CACNA2D1: variants seen among roughly 807,000 people sequenced by gnomAD.
CACNA2D1 encodes voltage-dependent calcium channel subunit alpha-2/delta-1.
In CACNA2D1, 53 loss-of-function variants were observed where a neutral mutation model predicts 171.5. The ratio of observed to expected loss-of-function variants is 0.31; its 90% CI spans 0.25 to 0.39. The LOEUF (loss-of-function observed/expected upper bound fraction) is 0.39. Ranked by LOEUF, CACNA2D1 falls within the 10% of genes least tolerant of loss-of-function variation. The pLI, the probability that CACNA2D1 is intolerant of heterozygous loss-of-function variation, is 1.00. For synonymous variants in CACNA2D1, 442 were observed against 443.1 expected (o/e 1.00, Z 0.03); for missense variants, 903 against 1,299.8 (o/e 0.69, Z 4.69).
At chr7:82,383,280 G>T (rs1217059484) in intron 1 of CACNA2D1, among the ~76,000 whole-genome samples, 2 of 152,130 alleles carry the variant, frequency 1.3e-5, no homozygotes, top group African/African-American at 4.8e-5. Flanking sequence ...TGGCCCTGAG[G>T]CTCAACTTTT....
At chr7:82,076,547 T>C (rs1472608666) in intron 7 of CACNA2D1, among the ~76,000 whole-genome samples, 3 of 152,180 alleles carry the variant, frequency 2.0e-5, no homozygotes, top group Admixed American at 2.0e-4. Context: ...TCTGATATCA[T>C]CATTTCTATT....
intron 5 of CACNA2D1, among the ~76,000 whole-genome samples, chr7:82,117,755 T>G (rs970962887): frequency 3.3e-5 from 5 of 152,154 alleles, no homozygotes; most frequent in South Asian, 2.1e-4. Flanking sequence ...CACTCTAGCC[T>G]GGGCAACAAA....
At chr7:82,136,528 C>A in intron 5 of CACNA2D1, 107 bp downstream of exon 5, 2 of 799,788 alleles carry the variant, frequency 2.5e-6, no homozygotes, top group East Asian at 5.4e-5. Flanking sequence ...CTCATGCAGT[C>A]TAACATTGTC....
chr7:82,098,642 T>C (rs1291571638), intron 6 of CACNA2D1, among the ~76,000 whole-genome samples: 2 of 152,156 alleles, frequency 1.3e-5, no homozygotes, highest in Admixed American at 1.3e-4. Context: ...GATGATTACA[T>C]GGTCTTATAA....
chr7:82,387,113 A>C (rs1824496348), intron 1 of CACNA2D1, among the ~76,000 whole-genome samples: 1 of 152,134 alleles, frequency 6.6e-6, no homozygotes, highest in Non-Finnish European at 1.5e-5. Flanking sequence ...GGTCATTTCA[A>C]ATGGTCATAT....
chr7:82,420,227 A>G (rs1034705492), intron 1 of CACNA2D1, among the ~76,000 whole-genome samples: 1 of 152,204 alleles, frequency 6.6e-6, no homozygotes, highest in Non-Finnish European at 1.5e-5. Flanking sequence ...AAAATTATGA[A>G]TTGTCACCAA....
chr7:82,394,096 T>C (rs1241714730), intron 1 of CACNA2D1, among the ~76,000 whole-genome samples: 2 of 152,006 alleles, frequency 1.3e-5, no homozygotes, highest in Non-Finnish European at 2.9e-5. Context: ...TAGAGGCAAG[T>C]AAAAGGTAGA....
In CACNA2D1 at chr7:81,984,818, G is replaced by T. The variant is rs965457861; in HGVS notation, c.1797-107C>A. The T allele has an allele frequency of 1.4e-4, 96 of 704,712 alleles. 1 individual carries two copies. The highest frequency in any genetic ancestry group is 1.2e-4 in the Non-Finnish European group (45 of 387,796). 43.7% of individuals were successfully genotyped at this position (704,712 alleles called of 1,614,324 possible). On this transcript the variant is annotated intron_variant, in intron 21 of 38. Coordinates refer to ENST00000356860, the MANE Select transcript of CACNA2D1 (RefSeq NM_000722.4). Reference sequence around the variant, plus strand: ...GGAAAATCGAAAGATCTTCCTCATGGGAAGGAAAAGACATATTACTTTGAC... The same window carrying T: ...GGAAAATCGAAAGATCTTCCTCATGTGAAGGAAAAGACATATTACTTTGAC...
At chr7:82,388,488 G>T (rs2129450274) in intron 1 of CACNA2D1, among the ~76,000 whole-genome samples, 1 of 152,328 alleles carries the variant, frequency 6.6e-6, no homozygotes, top group Non-Finnish European at 1.5e-5. Flanking sequence ...GATCCAGGAA[G>T]GTCATAGTAT....
At chr7:82,341,280 A>AT (rs563655388) in intron 2 of CACNA2D1, among the ~76,000 whole-genome samples, 119 of 152,216 alleles carry the variant, frequency 7.8e-4, no homozygotes, top group African/African-American at 2.7e-3. Flanking sequence ...TTTCTTTATC[A>AT]TAAGTCTCCT....
At chr7:82,302,321 A>G (rs916442676) in intron 3 of CACNA2D1, among the ~76,000 whole-genome samples, 1 of 152,196 alleles carries the variant, frequency 6.6e-6, no homozygotes. Context: ...AGTACATCCA[A>G]ACATTAGACC....
At position 81,950,023 on chromosome 7, in the gene CACNA2D1, AGTCAAAATTCCAG is replaced by A. The variant is rs1671230840; in HGVS notation, c.*356_*368del. 4 of 186,770 alleles carry A rather than the reference AGTCAAAATTCCAG, an allele frequency of 2.1e-5. No individual in the cohort carries two copies. Among genetic ancestry groups the A allele is most frequent in the Non-Finnish European group, 1.1e-5 (1 of 90,272 alleles). The allele number at this position is 186,770 out of a possible 1,614,324, so 11.6% of individuals were successfully genotyped here. A position where few individuals can be genotyped will look rare whatever the true frequency, so the allele number is the denominator to read the frequency against. ...AGATTTTCTTAGTAAAATTGCAGCA[AGTCAAAATTCCAG>A]GTCAATATCAAGACATTTCTTATGG... On this transcript the variant is annotated 3_prime_UTR_variant, in exon 39 of 39. Transcript: ENST00000356860.
chr7:82,015,250 C>T (rs1015596028), intron 12 of CACNA2D1, among the ~76,000 whole-genome samples: 3 of 152,104 alleles, frequency 2.0e-5, no homozygotes, highest in Admixed American at 1.3e-4. Context: ...TTGCTTAACA[C>T]AATTAAACTT....
chr7:82,366,229 C>T (rs1195744996), intron 1 of CACNA2D1, among the ~76,000 whole-genome samples: 1 of 151,954 alleles, frequency 6.6e-6, no homozygotes, highest in East Asian at 1.9e-4. Context: ...ATAATGTCAA[C>T]TTTTGTTCTA....
chr7:82,067,380 CCAAT>C (rs1392263476), intron 7 of CACNA2D1, among the ~76,000 whole-genome samples: 2 of 152,062 alleles, frequency 1.3e-5, no homozygotes, highest in African/African-American at 4.8e-5. Context: ...CTTACGTTCC[CCAAT>C]CAATTTCGCT....
intron 4 of CACNA2D1, among the ~76,000 whole-genome samples, chr7:82,144,617 T>G (rs1792772423): frequency 6.8e-6 from 1 of 146,858 alleles, no homozygotes; most frequent in Non-Finnish European, 1.5e-5. Context: ...CAATGTTTCC[T>G]TAGCTCCTAT....
At chr7:82,378,978 TG>T (rs1823357529) in intron 1 of CACNA2D1, among the ~76,000 whole-genome samples, 1 of 148,274 alleles carries the variant, frequency 6.7e-6, no homozygotes, top group Non-Finnish European at 1.5e-5. Flanking sequence ...TGTGTGTGTG[TG>T]TGTGTGTGTT....
chr7:82,111,442 A>ATTTTTTTTTTTTTT, intron 6 of CACNA2D1, among the ~76,000 whole-genome samples: 1 of 98,892 alleles, frequency 1.0e-5, no homozygotes, highest in Non-Finnish European at 2.0e-5. Context: ...ATATATATAT[A>ATTTTTTTTTTTTTT]TATTTTTTTT....
intron 3 of CACNA2D1, among the ~76,000 whole-genome samples, chr7:82,249,011 G>A (rs1041942372): frequency 1.3e-5 from 2 of 151,968 alleles, no homozygotes; most frequent in Admixed American, 6.5e-5. Context: ...CAGCTACTCA[G>A]GAGGCTGAGG....
Sources: gnomAD v4.1 joint callset for allele counts (sites outside exome capture counted in the v4.1 genomes callset) on GRCh38, gnomAD v4.1.1 for gene constraint, MANE v1.5 for transcripts, NCBI Gene and HGNC (gene_info 2026-07-23, HGNC 2026-07-21) for gene names.